The following AGBL1 variants were observed in gnomAD, a reference collection of about 807,000 sequenced individuals.
AGBL1 encodes cytosolic carboxypeptidase 4.
Under a neutral mutation model 118.9 loss-of-function variants are expected in AGBL1, and 130 were observed. The observed-to-expected ratio is 1.09, with a 90% confidence interval of 0.95 to 1.26. AGBL1 has a LOEUF of 1.26. Among genes scored for constraint, AGBL1 ranks in the 50% most tolerant of loss-of-function variants. The pLI, the probability that AGBL1 is intolerant of heterozygous loss-of-function variation, is 0.00. For synonymous variants in AGBL1, 555 were observed against 478.9 expected, an observed-to-expected ratio of 1.16 and a Z score of -2.08; for missense variants, 1,584 against 1,298.1, an observed-to-expected ratio of 1.22 and a Z score of -3.38.
intron 17 of AGBL1, among the ~76,000 whole-genome samples, chr15:86,389,854 A>G (rs1389383261): frequency 6.6e-6 from 1 of 152,176 alleles, no homozygotes; most frequent in African/African-American, 2.4e-5. Flanking sequence ...CAGATGGGAA[A>G]AAGAATTGAT....
chr15:86,905,442 G>A (rs2080268960), intron 22 of AGBL1, among the ~76,000 whole-genome samples: 1 of 152,176 alleles, frequency 6.6e-6, no homozygotes, highest in South Asian at 2.1e-4. Context: ...AATTTGGCTG[G>A]TTTTGCAACA....
At chr15:86,210,070 A>G (rs1402362134) in intron 5 of AGBL1, among the ~76,000 whole-genome samples, 1 of 152,136 alleles carries the variant, frequency 6.6e-6, no homozygotes, top group Non-Finnish European at 1.5e-5. Flanking sequence ...TCCTTCACTT[A>G]TGAAGCTTAG....
At chr15:86,526,088 A>G (rs377609948) in intron 19 of AGBL1, among the ~76,000 whole-genome samples, 79 of 152,300 alleles carry the variant, frequency 5.2e-4, no homozygotes, top group East Asian at 9.6e-4. Context: ...AAGAAGTTAT[A>G]TGAGTGACCA....
chr15:86,154,624 C>T, intron 4 of AGBL1, 63 bp downstream of exon 4: 1 of 1,538,002 alleles, frequency 6.5e-7, no homozygotes, highest in Non-Finnish European at 8.8e-7. Flanking sequence ...CACATGGAAA[C>T]TGCATGAGGG....
chr15:86,374,863 C>T (rs1376275367), intron 17 of AGBL1, among the ~76,000 whole-genome samples: 2 of 152,194 alleles, frequency 1.3e-5, no homozygotes, highest in Admixed American at 6.5e-5. Context: ...TTCCCAGCCT[C>T]AGTATTCTGA....
At chr15:86,588,336 A>G (rs188174563) in intron 21 of AGBL1, among the ~76,000 whole-genome samples, 3 of 152,302 alleles carry the variant, frequency 2.0e-5, no homozygotes, top group Admixed American at 2.0e-4. Flanking sequence ...GATCTCCTCC[A>G]GTTATCACTG....
intron 17 of AGBL1, among the ~76,000 whole-genome samples, chr15:86,326,326 C>G (rs1346522571): frequency 6.6e-6 from 1 of 152,152 alleles, no homozygotes; most frequent in Non-Finnish European, 1.5e-5. Flanking sequence ...GTGTCTCTCT[C>G]TTAGCCATCT....
chr15:86,886,364 G>A (rs1386539884), intron 22 of AGBL1, among the ~76,000 whole-genome samples: 2 of 152,166 alleles, frequency 1.3e-5, no homozygotes, highest in East Asian at 3.8e-4. Context: ...AACAGTTTAA[G>A]GTATGAATTC....
At chr15:86,798,571 C>A (rs903290842) in intron 22 of AGBL1, among the ~76,000 whole-genome samples, 1 of 151,970 alleles carries the variant, frequency 6.6e-6, no homozygotes, top group Non-Finnish European at 1.5e-5. Context: ...GAACTAGACA[C>A]TTTACCTGGC....
rs146951161 is a variant in AGBL1 at position 86,223,261 on chromosome 15, C to T, written c.489-1653C>T. ...AAAAGTGCAATGGAAATTAGAAATG[C>T]GATCCTTAGAGACCTGGCCTCTGAA... On this transcript the variant is annotated intron_variant, in intron 5 of 22. Transcript: ENST00000614907. Among the ~76,000 whole-genome samples, 416 of 152,252 alleles carry T rather than the reference C, an allele frequency of 2.7e-3. 4 individuals carry two copies. Among genetic ancestry groups the T allele is most frequent in the South Asian group, 0.018 (87 of 4,822 alleles).
chr15:86,589,648 A>G (rs1385974144), intron 21 of AGBL1, among the ~76,000 whole-genome samples: 1 of 152,078 alleles, frequency 6.6e-6, no homozygotes, highest in African/African-American at 2.4e-5. Flanking sequence ...TCACCAGTTG[A>G]TCTTTGCTTT....
At chr15:86,766,582 TA>T (rs1409278867) in intron 22 of AGBL1, among the ~76,000 whole-genome samples, 1 of 151,960 alleles carries the variant, frequency 6.6e-6, no homozygotes, top group African/African-American at 2.4e-5. Context: ...TTTTTTCTAT[TA>T]TAAGGGAACA....
intron 1 of AGBL1, among the ~76,000 whole-genome samples, chr15:86,123,188 G>A (rs1597423680): frequency 6.6e-6 from 1 of 152,200 alleles, no homozygotes. Flanking sequence ...CTGCTGCATA[G>A]AGGTTTTGTC....
chr15:86,098,173 T>A (rs552011010), intron 1 of AGBL1, among the ~76,000 whole-genome samples: 67 of 152,294 alleles, frequency 4.4e-4, no homozygotes, highest in South Asian at 8.3e-4. Flanking sequence ...CTATTTATTT[T>A]TTTTTTGCCA....
intron 5 of AGBL1, among the ~76,000 whole-genome samples, chr15:86,170,331 T>A (rs1316581329): frequency 6.6e-6 from 1 of 151,762 alleles, no homozygotes; most frequent in Non-Finnish European, 1.5e-5. Flanking sequence ...GAGAAGAGAT[T>A]TGAGAAGAAG....
chr15:86,401,692 T>A (rs532961173), intron 18 of AGBL1, among the ~76,000 whole-genome samples: 3 of 152,292 alleles, frequency 2.0e-5, no homozygotes, highest in Admixed American at 2.0e-4. Context: ...CCCAGCACCA[T>A]TTATTGAATA....
chr15:86,953,660 G>A (rs1468146516), intron 23 of AGBL1, among the ~76,000 whole-genome samples: 1 of 152,014 alleles, frequency 6.6e-6, no homozygotes, highest in African/African-American at 2.4e-5. Context: ...CAAAGAACTG[G>A]GATTACAGGT....
intron 21 of AGBL1, among the ~76,000 whole-genome samples, chr15:86,656,421 A>G (rs1042897809): frequency 4.6e-5 from 7 of 152,156 alleles, no homozygotes; most frequent in Non-Finnish European, 1.0e-4. Flanking sequence ...TAGGAAAACA[A>G]CTTCATTACA....
chr15:86,772,771 T>C (rs1472722459), intron 22 of AGBL1, among the ~76,000 whole-genome samples: 1 of 152,104 alleles, frequency 6.6e-6, no homozygotes, highest in African/African-American at 2.4e-5. Flanking sequence ...TCAGCAATCC[T>C]GATAGCTGCT....
Sources: gnomAD v4.1 joint callset for allele counts (sites outside exome capture counted in the v4.1 genomes callset) on GRCh38, gnomAD v4.1.1 for gene constraint, MANE v1.5 for transcripts, NCBI Gene and HGNC (gene_info 2026-07-23, HGNC 2026-07-21) for gene names.